INTS6: variants seen among roughly 807,000 people sequenced by gnomAD.
The protein encoded by INTS6 is DEAD box protein.
In INTS6, 16 loss-of-function variants were observed where a neutral mutation model predicts 104.9. The ratio of observed to expected loss-of-function variants is 0.15; its 90% CI spans 0.10 to 0.23. The LOEUF is 0.23. INTS6 is among the 10% of genes least tolerant of loss of function. The pLI is 1.00. For missense variants in INTS6, 584 were observed against 1,062.8 expected, an observed-to-expected ratio of 0.55 and a Z score of 6.26; for synonymous variants, 324 against 358.7, an observed-to-expected ratio of 0.90 and a Z score of 1.09.
chr13:51,450,278 A>G, intron 3 of INTS6: 2 of 985,066 alleles, frequency 2.0e-6, no homozygotes, highest in Non-Finnish European at 2.4e-6. Context: ...AAATGTTACA[A>G]TAGACCACCT....
At chr13:51,375,684 T>C (rs912646415) in intron 13 of INTS6, among the ~76,000 whole-genome samples, 12 of 151,612 alleles carry the variant, frequency 7.9e-5, no homozygotes, top group African/African-American at 2.7e-4. Context: ...CTCAAGAAAA[T>C]GATTGAGATA....
the INTS6 span, among the ~76,000 whole-genome samples, chr13:51,340,115 G>A: frequency 6.6e-6 from 1 of 152,220 alleles, no homozygotes; most frequent in Non-Finnish European, 1.5e-5. Flanking sequence ...GAGTTGGAGA[G>A]AGTGAGTGTG....
At chr13:51,444,342 T>TCAG (rs1233104690) in intron 3 of INTS6, 2 of 146,850 alleles carry the variant, frequency 1.4e-5, no homozygotes, top group Non-Finnish European at 3.0e-5. Flanking sequence ...TGACCTCAAG[T>TCAG]GATCCACCTG....
At chr13:51,350,937 A>G (rs75229700), downstream of INTS6, among the ~76,000 whole-genome samples, 1 of 152,270 alleles carries the variant, frequency 6.6e-6, no homozygotes, top group African/African-American at 2.4e-5. Flanking sequence ...GCTTCTTTGC[A>G]TAATATTTTC....
chr13:51,361,480 G>A (rs996796850), downstream of INTS6: 9 of 714,170 alleles, frequency 1.3e-5, no homozygotes, highest in Non-Finnish European at 1.9e-5. Context: ...CAGGTGTGGT[G>A]TAGTATTTTT....
chr13:51,407,227 G>T (rs563066359), intron 4 of INTS6, among the ~76,000 whole-genome samples: 4 of 152,190 alleles, frequency 2.6e-5, no homozygotes, highest in Admixed American at 2.6e-4. Flanking sequence ...AGCTCTCATA[G>T]CACATATTCC....
At chr13:51,449,408 G>A in intron 3 of INTS6, 1 of 941,738 alleles carries the variant, frequency 1.1e-6, no homozygotes, top group Non-Finnish European at 1.3e-6. Flanking sequence ...TATCAACTGG[G>A]AAAAGGAAAA....
At chr13:51,407,774 T>G (rs963683514) in intron 4 of INTS6, among the ~76,000 whole-genome samples, 1 of 152,152 alleles carries the variant, frequency 6.6e-6, no homozygotes, top group African/African-American at 2.4e-5. Flanking sequence ...TAGTGGTTCA[T>G]GCCTAAATCC....
intron 3 of INTS6, among the ~76,000 whole-genome samples, chr13:51,436,232 G>C (rs754346505): frequency 3.9e-5 from 6 of 151,908 alleles, no homozygotes; most frequent in Non-Finnish European, 5.9e-5. Context: ...TTAACCATGT[G>C]CATTTATTAT....
At chr13:51,426,509 A>C (rs997866237) in intron 4 of INTS6, among the ~76,000 whole-genome samples, 1 of 152,120 alleles carries the variant, frequency 6.6e-6, no homozygotes, top group Non-Finnish European at 1.5e-5. Context: ...TGCACATTAT[A>C]CAAGATTTGA....
chr13:51,400,055 C>T (rs918664019), intron 4 of INTS6, among the ~76,000 whole-genome samples: 1 of 152,222 alleles, frequency 6.6e-6, no homozygotes, highest in Non-Finnish European at 1.5e-5. Context: ...GCATTAGATT[C>T]TCATAGGAGC....
rs1231752748 is a variant in INTS6, at chr13:51,452,787, CGTCT to C, written c.-266_-263del. ...CTGCCCGCTGGGGCGGGCGCCCAGC[CGTCT>C]GTCTGTCGGTTCGTCCCCCCCGCCT... On this transcript the variant is annotated 5_prime_UTR_variant, in exon 1 of 18. Transcript: ENST00000311234. The surrounding 1 kb of genome is among the most constrained non-coding windows in gnomAD (Gnocchi z 4.2). 19 of 1,203,838 alleles carry C rather than the reference CGTCT, an allele frequency of 1.6e-5. 1 individual carries two copies. In the South Asian group the frequency reaches 2.5e-4, roughly 16 times the overall value. The allele number at this position is 1,203,838 out of a possible 1,614,324, so 74.6% of individuals were successfully genotyped here.
At chr13:51,451,718 C>A in intron 2 of INTS6, 1 of 195,212 alleles carries the variant, frequency 5.1e-6, no homozygotes, top group Non-Finnish European at 9.8e-6. Flanking sequence ...ATGTTGATAG[C>A]AGCGCCGCCG....
chr13:51,417,960 A>T (rs923827300), intron 4 of INTS6, among the ~76,000 whole-genome samples: 3 of 150,476 alleles, frequency 2.0e-5, no homozygotes, highest in Non-Finnish European at 2.9e-5. Context: ...AAAATAAAAC[A>T]AACAGTCAAG....
chr13:51,366,503 A>G (rs947772706), intron 17 of INTS6, among the ~76,000 whole-genome samples: 1 of 152,010 alleles, frequency 6.6e-6, no homozygotes. Flanking sequence ...ATATCCCAAG[A>G]CACTGGACAT....
intron 3 of INTS6, 190 bp downstream of exon 3, chr13:51,450,835 G>A (rs773768536): frequency 3.0e-5 from 36 of 1,209,918 alleles, no homozygotes; most frequent in Non-Finnish European, 3.7e-5. Context: ...ATGCATTTTA[G>A]AGGGGGAAAA....
chr13:51,337,552 A>G, the INTS6 span, among the ~76,000 whole-genome samples: 13 of 152,288 alleles, frequency 8.5e-5, no homozygotes, highest in Middle Eastern at 6.8e-3. Flanking sequence ...TTGGCTCCTG[A>G]CAGCACCAAG....
chr13:51,336,064 C>T, the INTS6 span, among the ~76,000 whole-genome samples: 1 of 152,162 alleles, frequency 6.6e-6, no homozygotes. Flanking sequence ...AACATAATAA[C>T]ATAATAGTTA....
chr13:51,414,146 T>C (rs1401944984), intron 4 of INTS6, among the ~76,000 whole-genome samples: 5 of 152,222 alleles, frequency 3.3e-5, no homozygotes, highest in Non-Finnish European at 7.3e-5. Context: ...TCCAGTTGTA[T>C]GATGTGCTGT....
Sources: allele counts gnomAD v4.1 joint callset (sites outside exome capture counted in the v4.1 genomes callset), GRCh38; gene constraint gnomAD v4.1.1; non-coding constraint Gnocchi (gnomAD v3.1); transcripts MANE v1.5; gene names NCBI Gene and HGNC (gene_info 2026-07-23, HGNC 2026-07-21).